Variants in CABYR observed in about 807,000 individuals in gnomAD.
CABYR encodes the protein calcium-binding tyrosine phosphorylation-regulated protein.
A neutral mutation model predicts 36.1 loss-of-function variants in CABYR; 31 were observed. That is an observed-to-expected ratio of 0.86 (90% CI 0.64 to 1.16). The LOEUF is 1.16. Ranked by LOEUF, CABYR falls within the 50% of genes most tolerant of loss-of-function variation. CABYR has a pLI of 0.00. For missense variants in CABYR, 429 were observed against 455.8 expected (o/e 0.94, Z 0.53); for synonymous variants, 146 against 160.7 (o/e 0.91, Z 0.69).
chr18:24,152,259 T>G (rs1027661606), intron 3 of CABYR, among the ~76,000 whole-genome samples: 2 of 152,238 alleles, frequency 1.3e-5, no homozygotes, highest in African/African-American at 4.8e-5. Context: ...CCCATTTATA[T>G]GTGATTTAGA....
Position 24,156,812 on chromosome 18 carries a change from G to A in CABYR, c.541+770G>A, listed in dbSNP as rs773085151. On this transcript the variant is annotated intron_variant, in intron 4 of 5. Transcript: ENST00000399496. ...ACAATACTGGGCAGGAGGAGTCTGGGGAAAACTCTGTACCCCAGGAGATGG... is the reference window on the plus strand; with the variant it reads ...ACAATACTGGGCAGGAGGAGTCTGGAGAAAACTCTGTACCCCAGGAGATGG... 4 of 1,614,052 alleles carry A rather than the reference G, an allele frequency of 2.5e-6. No homozygotes were observed. In the South Asian group the frequency reaches 3.3e-5, roughly 13 times the overall value.
intron 4 of CABYR, among the ~76,000 whole-genome samples, 162 bp from the exon 5 acceptor site, chr18:24,159,304 ATCTCTT>A (rs2085883089): frequency 6.6e-6 from 1 of 152,318 alleles, no homozygotes; most frequent in East Asian, 1.9e-4. Context: ...ACTGTAGAGA[ATCTCTT>A]TCACCTGTCA....
intron 5 of CABYR, 22 bp from the exon 6 acceptor site, chr18:24,161,494 A>ATGTT (rs767002528): frequency 4.7e-5 from 37 of 780,130 alleles, no homozygotes; most frequent in Admixed American, 2.5e-4. Context: ...AAACAATTCA[A>ATGTT]TGTTTGCATT....
At chr18:24,156,868 C>CAG in intron 4 of CABYR, 1 of 1,614,108 alleles carries the variant, frequency 6.2e-7, no homozygotes, top group Non-Finnish European at 8.5e-7. Flanking sequence ...GGGGAAGCTG[C>CAG]AGAAGCAGTG....
At chr18:24,158,898 T>C (rs892923668) in intron 4 of CABYR, among the ~76,000 whole-genome samples, 6 of 152,146 alleles carry the variant, frequency 3.9e-5, no homozygotes, top group Admixed American at 6.5e-5. Flanking sequence ...CTAGGATCTA[T>C]GATTTCAAGT....
chr18:24,140,616 C>A (rs939709637), intron 1 of CABYR, among the ~76,000 whole-genome samples: 1 of 152,020 alleles, frequency 6.6e-6, no homozygotes, highest in Non-Finnish European at 1.5e-5. Flanking sequence ...CTATAGACAC[C>A]CTGTTGTGCT....
chr18:24,149,394 TA>T (rs2085548977), intron 3 of CABYR, among the ~76,000 whole-genome samples: 1 of 152,156 alleles, frequency 6.6e-6, no homozygotes, highest in Non-Finnish European at 1.5e-5. Flanking sequence ...AACCTTGAGC[TA>T]GATAGAGAGT....
intron 3 of CABYR, among the ~76,000 whole-genome samples, chr18:24,146,311 A>C (rs1568458126): frequency 6.6e-6 from 1 of 152,246 alleles, no homozygotes; most frequent in Non-Finnish European, 1.5e-5. Context: ...TAGAAGACAG[A>C]ATTAGGAAAC....
rs1473225589 is a variant in CABYR at position 24,159,738 on chromosome 18, GCA to G, written c.811_812del (p.Gln271GlyfsTer32). Reference sequence around the variant, plus strand: ...CTTAGTAGGCTCAAATGTTCAGGAAGCACAGGGATGGAAACCTCTTCCTGGAC... The same window carrying G: ...CTTAGTAGGCTCAAATGTTCAGGAAGCAGGGATGGAAACCTCTTCCTGGAC... ...FILVGSNVQE[A>X]QGWKPLPGHA... On this transcript the variant is annotated frameshift_variant, in exon 5 of 6. Transcript: ENST00000399496. LOFTEE classifies it high-confidence loss of function. The G allele has an allele frequency of 1.9e-6, 3 of 1,613,912 alleles. No individual in the cohort carries two copies. The South Asian group carries it at 3.3e-5, about 18-fold the overall frequency.
chr18:24,158,331 T>TC (rs1248968111), intron 4 of CABYR, among the ~76,000 whole-genome samples: 4 of 151,938 alleles, frequency 2.6e-5, no homozygotes, highest in African/African-American at 2.4e-5. Flanking sequence ...TTTTTTTTTT[T>TC]TTTTGAGACG....
At chr18:24,146,979 C>T (rs2085475119) in intron 3 of CABYR, among the ~76,000 whole-genome samples, 1 of 152,056 alleles carries the variant, frequency 6.6e-6, no homozygotes, top group Non-Finnish European at 1.5e-5. Flanking sequence ...ATTGCCTACT[C>T]TACAAGAAAT....
chr18:24,149,431 G>C (rs2085551358), intron 3 of CABYR, among the ~76,000 whole-genome samples: 1 of 152,164 alleles, frequency 6.6e-6, no homozygotes, highest in South Asian at 2.1e-4. Context: ...TACAATCCCT[G>C]GGCTAGACAT....
At chr18:24,160,091 A>G in intron 5 of CABYR, 22 bp downstream of exon 5, 1 of 1,517,434 alleles carries the variant, frequency 6.6e-7, no homozygotes, top group South Asian at 1.2e-5. Flanking sequence ...TTCCTACCAT[A>G]ATATTTAGGC....
intron 1 of CABYR, among the ~76,000 whole-genome samples, chr18:24,142,888 CG>C (rs1275267158): frequency 6.6e-6 from 1 of 151,688 alleles, no homozygotes; most frequent in African/African-American, 2.4e-5. Flanking sequence ...AAAAAATTAG[CG>C]GGGTGTGGTG....
intron 3 of CABYR, chr18:24,150,662 C>A: frequency 1.6e-6 from 1 of 636,670 alleles, no homozygotes; most frequent in Non-Finnish European, 2.0e-6. Flanking sequence ...TCAATACAGA[C>A]TAGTTGGAAT....
intron 3 of CABYR, among the ~76,000 whole-genome samples, chr18:24,146,588 GT>G (rs1166102943): frequency 3.3e-5 from 5 of 151,906 alleles, no homozygotes; most frequent in Non-Finnish European, 7.4e-5. Flanking sequence ...CAGGAAAAGA[GT>G]GGAAAAGTAG....
Position 24,161,508 on chromosome 18 carries a change from C to G in CABYR, c.*-8C>G, listed in dbSNP as rs1276021954. 1 of 780,478 alleles carries G rather than the reference C, an allele frequency of 1.3e-6. No homozygotes were observed. The highest frequency in any genetic ancestry group is 2.4e-6 in the Non-Finnish European group (1 of 417,898). 48.3% of individuals were successfully genotyped at this position (780,478 alleles called of 1,614,324 possible). On this transcript the variant is annotated splice_polypyrimidine_tract_variant and splice_region_variant and intron_variant, in intron 5 of 5. Transcript: ENST00000399496. ...TAAACAATTCAATGTTTGCATTATT[C>G]CTAACAGATCCAGAAATGACGCTGT...
At chr18:24,152,414 C>A (rs2085665161) in intron 3 of CABYR, among the ~76,000 whole-genome samples, 2 of 152,116 alleles carry the variant, frequency 1.3e-5, no homozygotes, top group African/African-American at 4.8e-5. Context: ...AATCTCAGAA[C>A]CAGGACTAGA....
chr18:24,160,327 T>A (rs998525005), intron 5 of CABYR: 3 of 457,096 alleles, frequency 6.6e-6, no homozygotes, highest in African/African-American at 6.0e-5. Context: ...CTCAGTCACC[T>A]TTGAATACCT....
Sources: allele counts gnomAD v4.1 joint callset (sites outside exome capture counted in the v4.1 genomes callset), GRCh38; gene constraint gnomAD v4.1.1; transcripts MANE v1.5; gene names NCBI Gene and HGNC (gene_info 2026-07-23, HGNC 2026-07-21).